KCNH1: variants seen among roughly 807,000 people sequenced by gnomAD.
KCNH1 encodes the protein voltage-gated delayed rectifier potassium channel KCNH1.
In KCNH1, 27 loss-of-function variants were observed where a neutral mutation model predicts 69.2. The observed-to-expected ratio is 0.39, with a 90% CI of 0.29 to 0.54. The LOEUF (loss-of-function observed/expected upper bound fraction) is 0.54. KCNH1 is among the 20% of genes least tolerant of loss of function. The probability of loss-of-function intolerance (pLI) is 0.68; values close to 1 mark genes in which losing one functional copy is unlikely to be tolerated. For synonymous variants in KCNH1, 456 were observed against 487.7 expected (o/e 0.93, Z 0.86); for missense variants, 798 against 1,261.6 (o/e 0.63, Z 5.57).
chr1:210,983,228 C>T (rs562692052), intron 6 of KCNH1, among the ~76,000 whole-genome samples: 7 of 152,288 alleles, frequency 4.6e-5, no homozygotes, highest in African/African-American at 1.7e-4. Context: ...GTTGCCTGTT[C>T]ACTCTGATGG....
chr1:210,761,079 C>T lies in KCNH1; in HGVS notation c.2112+14269G>A, dbSNP rs370293879. 1.2e-3 allele frequency among the ~76,000 whole-genome samples: 185 copies of T among 150,460 alleles called. 1 individual carries two copies. Among genetic ancestry groups the T allele is most frequent in the African/African-American group, 2.4e-3 (98 of 40,986 alleles). ...CATCCCGGCTAAAATGGTGAAACCC[C>T]GTCTCTACTAAAAATACAAAAAATT... On this transcript the variant is annotated intron_variant, in intron 10 of 10. Transcript: ENST00000271751.
At chr1:211,082,724 C>T (rs1186425813) in intron 5 of KCNH1, 56 bp downstream of exon 5, 4 of 1,375,072 alleles carry the variant, frequency 2.9e-6, no homozygotes, top group Non-Finnish European at 4.1e-6. Flanking sequence ...GCCATTGCCT[C>T]AGCCCATGCA....
At position 210,806,824 on chromosome 1, in the gene KCNH1, A is replaced by ATATATATATAT. The variant is rs1387980426; in HGVS notation, c.1463-2659_1463-2658insATATATATATA. ...ATCTCTACCAAAAAAAAAAAAAAAA[A>ATATATATATAT]AAAAAAAAAAAAATATATATATATA... On this transcript the variant is annotated intron_variant, in intron 7 of 10. Transcript: ENST00000271751. 7.2e-3 allele frequency among the ~76,000 whole-genome samples: 322 copies of ATATATATATAT among 44,752 alleles called. 17 individuals carry two copies. Among genetic ancestry groups the ATATATATATAT allele is most frequent in the Non-Finnish European group, 0.011 (233 of 20,520 alleles). The allele number at this position is 44,752 out of a possible 152,430, so 29.4% of individuals were successfully genotyped here.
At chr1:210,905,135 G>C (rs796860467) in intron 7 of KCNH1, among the ~76,000 whole-genome samples, 3 of 152,136 alleles carry the variant, frequency 2.0e-5, no homozygotes, top group Admixed American at 2.0e-4. Context: ...ACAGGTCTTC[G>C]ATACACACAA....
intron 6 of KCNH1, among the ~76,000 whole-genome samples, chr1:210,978,334 G>A (rs557916719): frequency 4.6e-5 from 7 of 152,012 alleles, no homozygotes; most frequent in South Asian, 2.1e-4. Flanking sequence ...CACCGCGCCC[G>A]GCCTCCTTTA....
chr1:210,870,483 G>T lies in KCNH1; in HGVS notation c.1462+49157C>A, dbSNP rs148092553. On this transcript the variant is annotated intron_variant, in intron 7 of 10. Coordinates refer to ENST00000271751, the MANE Select transcript of KCNH1 (RefSeq NM_172362.3). Reference sequence around the variant, plus strand: ...TTCTTAGCCTCTTTTTTCCCCTACTGTGAGCAGTGTCACCCAGGTGCCCTC... The same window carrying T: ...TTCTTAGCCTCTTTTTTCCCCTACTTTGAGCAGTGTCACCCAGGTGCCCTC... Among the ~76,000 whole-genome samples the T allele has an allele frequency of 1.4e-3, 207 of 152,210 alleles. 1 individual carries two copies. Among genetic ancestry groups the T allele is most frequent in the African/African-American group, 4.8e-3 (199 of 41,526 alleles).
chr1:211,012,480 A>T (rs542563749), intron 6 of KCNH1, among the ~76,000 whole-genome samples: 1 of 152,350 alleles, frequency 6.6e-6, no homozygotes, highest in East Asian at 1.9e-4. Context: ...AAAAGTTATC[A>T]TGAAAAAAAT....
At chr1:210,866,947 A>T (rs1310813973) in intron 7 of KCNH1, among the ~76,000 whole-genome samples, 2 of 152,116 alleles carry the variant, frequency 1.3e-5, no homozygotes, top group African/African-American at 4.8e-5. Context: ...GGAATGAAAT[A>T]CTGATAAATG....
chr1:210,930,207 A>C (rs1687654663), intron 6 of KCNH1, among the ~76,000 whole-genome samples: 1 of 152,210 alleles, frequency 6.6e-6, no homozygotes, highest in Non-Finnish European at 1.5e-5. Flanking sequence ...GAATCAAGAG[A>C]GAGCCCACAT....
intron 6 of KCNH1, among the ~76,000 whole-genome samples, chr1:210,972,600 T>G (rs1460417565): frequency 6.6e-6 from 1 of 152,116 alleles, no homozygotes; most frequent in Non-Finnish European, 1.5e-5. Flanking sequence ...GGCAGTAAAA[T>G]GATAGATTTT....
At chr1:210,927,790 C>A (rs1010664718) in intron 6 of KCNH1, among the ~76,000 whole-genome samples, 1 of 152,120 alleles carries the variant, frequency 6.6e-6, no homozygotes, top group Non-Finnish European at 1.5e-5. Flanking sequence ...AATTCACCAA[C>A]CAAGTTTCTG....
At chr1:210,876,522 A>T (rs1397059471) in intron 7 of KCNH1, among the ~76,000 whole-genome samples, 3 of 152,132 alleles carry the variant, frequency 2.0e-5, no homozygotes. Context: ...ATTCCCTGAA[A>T]TTATACTAGA....
intron 6 of KCNH1, among the ~76,000 whole-genome samples, chr1:210,953,474 G>GA (rs1277944461): frequency 6.6e-6 from 1 of 152,156 alleles, no homozygotes; most frequent in Non-Finnish European, 1.5e-5. Context: ...TGGCTTCTGT[G>GA]AAAACTCTCT....
intron 10 of KCNH1, among the ~76,000 whole-genome samples, chr1:210,696,574 T>C (rs1427506941): frequency 6.6e-6 from 1 of 152,146 alleles, no homozygotes; most frequent in African/African-American, 2.4e-5. Flanking sequence ...TACCTTTCTC[T>C]CAAAGAAACT....
At chr1:210,789,193 A>G (rs1007689260) in intron 9 of KCNH1, among the ~76,000 whole-genome samples, 3 of 152,198 alleles carry the variant, frequency 2.0e-5, no homozygotes, top group Non-Finnish European at 4.4e-5. Flanking sequence ...CCCTGGAGCA[A>G]TGAGGAGCAA....
At chr1:210,907,272 G>A (rs1687121371) in intron 7 of KCNH1, among the ~76,000 whole-genome samples, 1 of 152,142 alleles carries the variant, frequency 6.6e-6, no homozygotes, top group Admixed American at 6.5e-5. Flanking sequence ...CTTCTTAAGT[G>A]CCAAGAAATT....
Position 210,775,450 on chromosome 1 carries a change from A to G in KCNH1, c.2010T>C (p.His670=), listed in dbSNP as rs771142686. 1.9e-6 allele frequency: 3 copies of G among 1,614,062 alleles called. No homozygotes were observed. The highest frequency in any genetic ancestry group is 1.7e-6 in the Non-Finnish European group (2 of 1,179,902). ...NVRALTYCDL[H]VIKRDALQKV... is the part of the protein sequence containing the mutation. ...TCTGCAGGGCATCCCGCTTGATCACATGCAGATCACAGTAGGTCAAGGCCC... is the reference window on the plus strand; with the variant it reads ...TCTGCAGGGCATCCCGCTTGATCACGTGCAGATCACAGTAGGTCAAGGCCC... Residue 670 remains histidine (H), a synonymous_variant, in exon 10 of 11, where the codon CAT becomes CAC. Coordinates refer to ENST00000271751, the MANE Select transcript of KCNH1 (RefSeq NM_172362.3).
intron 7 of KCNH1, among the ~76,000 whole-genome samples, chr1:210,914,778 A>G (rs941438983): frequency 1.4e-5 from 2 of 145,354 alleles, no homozygotes; most frequent in African/African-American, 4.9e-5. Flanking sequence ...CTAGAGTTTT[A>G]AGGACCTAAA....
intron 5 of KCNH1, among the ~76,000 whole-genome samples, chr1:211,044,819 A>C (rs535727255): frequency 2.6e-5 from 4 of 151,972 alleles, no homozygotes; most frequent in Non-Finnish European, 4.4e-5. Context: ...GTAAACTAGC[A>C]CAACCACCAT....
Sources: gnomAD v4.1 joint callset for allele counts (sites outside exome capture counted in the v4.1 genomes callset) on GRCh38, gnomAD v4.1.1 for gene constraint, MANE v1.5 for transcripts, NCBI Gene and HGNC (gene_info 2026-07-23, HGNC 2026-07-21) for gene names.